Variants in BEND4 observed in about 807,000 individuals in gnomAD.
BEND4 encodes the protein BEN domain-containing protein 4.
In BEND4, 27 loss-of-function variants were observed where a neutral mutation model predicts 54.7. The ratio of observed to expected loss-of-function variants is 0.49; its 90% confidence interval spans 0.36 to 0.68. BEND4 has a LOEUF of 0.68. BEND4 is among the 30% of genes least tolerant of loss of function. The pLI is 0.00. For synonymous variants in BEND4, 327 were observed against 299.5 expected, an observed-to-expected ratio of 1.09 and a Z score of -0.95; for missense variants, 702 against 697.2, an observed-to-expected ratio of 1.01 and a Z score of -0.08.
chr4:42,138,997 C>G (rs1560581707), intron 3 of BEND4, among the ~76,000 whole-genome samples: 1 of 152,006 alleles, frequency 6.6e-6, no homozygotes, highest in East Asian at 1.9e-4. Context: ...TTATATTTGC[C>G]CTCTTTTATG....
intron 3 of BEND4, among the ~76,000 whole-genome samples, chr4:42,136,027 G>A (rs528374705): frequency 5.5e-4 from 83 of 152,198 alleles, no homozygotes; most frequent in African/African-American, 1.9e-3. Context: ...CAAATTCTCA[G>A]TGAAAGAACT....
In BEND4 at chr4:42,114,061, T is replaced by C. The variant is rs77249427; in HGVS notation, c.*3457A>G. ...GTAAAATGAGAAAGTACTTGTAAAA[T>C]TGAAATGGTTACAGTTTTTCTTGAA... On this transcript the variant is annotated 3_prime_UTR_variant, in exon 6 of 6. Coordinates refer to ENST00000502486, the MANE Select transcript of BEND4 (RefSeq NM_207406.4). The C allele has an allele frequency of 3.3e-5, 5 of 152,286 alleles. No homozygotes were observed. The highest frequency in any genetic ancestry group is 2.1e-4 in the South Asian group (1 of 4,824). The allele number at this position is 152,286 out of a possible 1,614,324, so 9.4% of individuals were successfully genotyped here.
rs1200320572 is a variant in BEND4 at position 42,151,968 on chromosome 4, G to A, written c.176C>T (p.Pro59Leu). The A allele has an allele frequency of 8.0e-7, 1 of 1,250,258 alleles. No individual in the cohort carries two copies. Among genetic ancestry groups the A allele is most frequent in the East Asian group, 3.2e-5 (1 of 31,522 alleles). 77.4% of individuals were successfully genotyped at this position (1,250,258 alleles called of 1,614,324 possible). A position where few individuals can be genotyped will look rare whatever the true frequency, so the allele number is the denominator to read the frequency against. ...LPHVRAPPPPPPPFAPHAAVS... is the reference protein window; with the variant it reads ...LPHVRAPPPPLPPFAPHAAVS... ...GGCGGCGTGCGGCGCGAAGGGCGGCGGGGGCGGCGGGGGCGCCCGCACGTG... is the reference window on the plus strand; with the variant it reads ...GGCGGCGTGCGGCGCGAAGGGCGGCAGGGGCGGCGGGGGCGCCCGCACGTG... The change falls in exon 2 of 6, where the codon CCG (proline) becomes CTG (leucine). Residue 59 changes from proline to leucine, a missense_variant. By Grantham distance (98) the Pro-to-Leu change is moderately conservative. Transcript: ENST00000502486.
rs898499929 is a variant in BEND4 at position 42,113,224 on chromosome 4, T to A, written c.*4294A>T. The A allele has an allele frequency of 6.6e-6, 1 of 152,206 alleles. No homozygotes were observed. Among genetic ancestry groups the A allele is most frequent in the Non-Finnish European group, 1.5e-5 (1 of 68,018 alleles). The allele number at this position is 152,206 out of a possible 1,614,324, so 9.4% of individuals were successfully genotyped here. A position where few individuals can be genotyped will look rare whatever the true frequency, so the allele number is the denominator to read the frequency against. Reference sequence around the variant, plus strand: ...ATGAGCTGTCAAAAATTAACGCAGATCTGTACTGTGAAATGACACAGCACT... The same window carrying A: ...ATGAGCTGTCAAAAATTAACGCAGAACTGTACTGTGAAATGACACAGCACT... On this transcript the variant is annotated 3_prime_UTR_variant, in exon 6 of 6. Coordinates refer to ENST00000502486, the MANE Select transcript of BEND4 (RefSeq NM_207406.4).
chr4:42,152,057 C>G lies in BEND4; in HGVS notation c.87G>C (p.Thr29=). The change falls in exon 2 of 6, where the codon ACG becomes ACC. Residue 29 remains threonine, a synonymous_variant. Transcript: ENST00000502486. ...CCAGCGCCGGTCTCTTGCTGGGGAA[C>G]GTCTTGAGGACGCTGTAGGGGCTGC... ...KQRSPYSVLK[T]FPSKRPALAK... 1 of 1,251,906 alleles carries G rather than the reference C, an allele frequency of 8.0e-7. No homozygotes were observed. The highest frequency in any genetic ancestry group is 1.0e-6 in the Non-Finnish European group (1 of 990,910). 77.5% of individuals were successfully genotyped at this position (1,251,906 alleles called of 1,614,324 possible).
At chr4:42,142,819 T>C (rs142084804) in intron 3 of BEND4, among the ~76,000 whole-genome samples, 2 of 152,296 alleles carry the variant, frequency 1.3e-5, no homozygotes, top group East Asian at 1.9e-4. Flanking sequence ...GCCGGCTTAA[T>C]TACTGGTCTA....
intron 3 of BEND4, among the ~76,000 whole-genome samples, chr4:42,130,996 C>T (rs1046298135): frequency 2.0e-5 from 3 of 152,132 alleles, no homozygotes; most frequent in Non-Finnish European, 4.4e-5. Flanking sequence ...TGTTCTCACT[C>T]ATAAGTGTGA....
intron 3 of BEND4, among the ~76,000 whole-genome samples, chr4:42,128,218 C>T (rs1295049334): frequency 2.0e-5 from 3 of 152,182 alleles, no homozygotes; most frequent in African/African-American, 4.8e-5. Context: ...GAGTCATTCA[C>T]GACAAATCCA....
In BEND4 at chr4:42,114,160, T is replaced by C. The variant is rs560643252; in HGVS notation, c.*3358A>G. ...CAAGAGTCAGTGAGAAATGTGACTT[T>C]AGTAACTGCTTGCAAAATACTGGTC... On this transcript the variant is annotated 3_prime_UTR_variant, in exon 6 of 6. Coordinates refer to ENST00000502486, the MANE Select transcript of BEND4 (RefSeq NM_207406.4). 3 of 152,304 alleles carry C rather than the reference T, an allele frequency of 2.0e-5. No individual in the cohort carries two copies. The highest frequency in any genetic ancestry group is 6.5e-5 in the Admixed American group (1 of 15,292). 9.4% of individuals were successfully genotyped at this position (152,304 alleles called of 1,614,324 possible).
chr4:42,124,109 CTT>C (rs1312499936), intron 4 of BEND4, among the ~76,000 whole-genome samples: 9 of 152,168 alleles, frequency 5.9e-5, no homozygotes, highest in African/African-American at 2.2e-4. Context: ...AATCCCAACA[CTT>C]TGGGAGGCTG....
chr4:42,125,914 A>T (rs961704286), intron 3 of BEND4, among the ~76,000 whole-genome samples: 6 of 151,434 alleles, frequency 4.0e-5, no homozygotes, highest in Admixed American at 1.3e-4. Context: ...AATTATGTTA[A>T]TTTTTTTGCA....
At chr4:42,126,079 AT>A (rs1390624933) in intron 3 of BEND4, among the ~76,000 whole-genome samples, 1 of 152,176 alleles carries the variant, frequency 6.6e-6, no homozygotes, top group African/African-American at 2.4e-5. Context: ...AAAAAAAAAA[AT>A]ATTTTCTAAA....
chr4:42,149,161 C>T (rs1336794695), intron 2 of BEND4, among the ~76,000 whole-genome samples: 1 of 152,148 alleles, frequency 6.6e-6, no homozygotes, highest in African/African-American at 2.4e-5. Flanking sequence ...TACACTTCTG[C>T]GAGGGTGCAA....
In BEND4 at chr4:42,120,075, C is replaced by T; in HGVS notation, c.1366G>A (p.Val456Ile). 1 of 1,614,022 alleles carries T rather than the reference C, an allele frequency of 6.2e-7. No individual in the cohort carries two copies. The highest frequency in any genetic ancestry group is 1.1e-5 in the South Asian group (1 of 91,074). ...TGPERRPLDP[V>I]KVTCLREFIR... ...GTACCTCGGAGGCATGTTACTTTAA[C>T]TGGATCCAGAGGGCGTCTTTCGGGA... is the stretch of plus-strand genomic sequence containing the variant. Residue 456 changes from valine to isoleucine, a missense_variant, in exon 5 of 6, where the codon GTT becomes ATT. Physicochemically the swap from Val to Ile is conservative, Grantham distance 29. Coordinates refer to ENST00000502486, the MANE Select transcript of BEND4 (RefSeq NM_207406.4).
chr4:42,123,702 A>AAAC (rs1553921983), intron 4 of BEND4, among the ~76,000 whole-genome samples: 1 of 144,478 alleles, frequency 6.9e-6, no homozygotes, highest in African/African-American at 2.6e-5. Flanking sequence ...CAGAAAAAAA[A>AAAC]AAAAAAAAAA....
At chr4:42,144,475 T>C (rs1389065172) in intron 2 of BEND4, among the ~76,000 whole-genome samples, 11 of 152,216 alleles carry the variant, frequency 7.2e-5, no homozygotes, top group African/African-American at 2.7e-4. Flanking sequence ...AGCTCCCAGA[T>C]GCAAACTGGG....
At chr4:42,127,083 T>A (rs985725129) in intron 3 of BEND4, among the ~76,000 whole-genome samples, 4 of 152,342 alleles carry the variant, frequency 2.6e-5, no homozygotes, top group African/African-American at 9.6e-5. Flanking sequence ...CCATTTTTTT[T>A]AAGATAGCAA....
At position 42,152,269 on chromosome 4, in the gene BEND4, G is replaced by A; in HGVS notation, c.-126C>T. 1 of 1,022,118 alleles carries A rather than the reference G, an allele frequency of 9.8e-7. No individual in the cohort carries two copies. Among genetic ancestry groups the A allele is most frequent in the African/African-American group, 1.7e-5 (1 of 59,718 alleles). The allele number at this position is 1,022,118 out of a possible 1,614,324, so 63.3% of individuals were successfully genotyped here. ...CGCGCGTGTGGGAGGGTGTGTGTCTGTGCCGTGGCCGCCGCCGCCGCCGCC... is the reference window on the plus strand; with the variant it reads ...CGCGCGTGTGGGAGGGTGTGTGTCTATGCCGTGGCCGCCGCCGCCGCCGCC... On this transcript the variant is annotated 5_prime_UTR_variant, in exon 2 of 6. Coordinates refer to ENST00000502486, the MANE Select transcript of BEND4 (RefSeq NM_207406.4).
intron 2 of BEND4, among the ~76,000 whole-genome samples, chr4:42,150,177 G>T (rs553257842): frequency 6.6e-6 from 1 of 151,984 alleles, no homozygotes; most frequent in South Asian, 2.1e-4. Context: ...AAGCCAGAAA[G>T]AAAGAAAATG....
Sources: allele counts gnomAD v4.1 joint callset (sites outside exome capture counted in the v4.1 genomes callset), GRCh38; gene constraint gnomAD v4.1.1; transcripts MANE v1.5; gene names NCBI Gene and HGNC (gene_info 2026-07-23, HGNC 2026-07-21).